KHDRBS3: variants seen among roughly 807,000 people sequenced by gnomAD.
KHDRBS3 encodes KH RNA binding domain containing, signal transduction associated 3.
In KHDRBS3, 23 loss-of-function variants were observed where a neutral mutation model predicts 45.6. The observed-to-expected ratio is 0.50, with a 90% CI of 0.36 to 0.72. The LOEUF (loss-of-function observed/expected upper bound fraction) is 0.72, where lower values mean the gene tolerates loss of function less well. KHDRBS3 is among the 30% of genes least tolerant of loss of function. The pLI, the probability that KHDRBS3 is intolerant of heterozygous loss-of-function variation, is 0.00. For synonymous variants in KHDRBS3, 162 were observed against 156.5 expected (o/e 1.04, Z -0.26); for missense variants, 352 against 424.8 (o/e 0.83, Z 1.51).
chr8:135,503,598 T>C (rs1392957150), intron 1 of KHDRBS3, among the ~76,000 whole-genome samples: 1 of 151,800 alleles, frequency 6.6e-6, no homozygotes, highest in Non-Finnish European at 1.5e-5. Flanking sequence ...CATGAACTCA[T>C]TTAGTTCCAC....
intron 2 of KHDRBS3, among the ~76,000 whole-genome samples, chr8:135,533,563 T>C (rs1825586711): frequency 6.6e-6 from 1 of 152,182 alleles, no homozygotes; most frequent in Non-Finnish European, 1.5e-5. Context: ...TTACATTGCC[T>C]AACTTAAGAC....
intron 2 of KHDRBS3, among the ~76,000 whole-genome samples, chr8:135,536,239 T>TG (rs1825744524): frequency 9.2e-6 from 1 of 108,972 alleles, no homozygotes; most frequent in Non-Finnish European, 1.7e-5. Context: ...GTCCAGTTTT[T>TG]TTTTTTTTTT....
Position 135,512,436 on chromosome 8 carries a change from G to T in KHDRBS3, c.89-8801G>T, listed in dbSNP as rs572000130. Reference sequence around the variant, plus strand: ...TAAGGTGTTTGGAAAAGTCGGGGGGGGGGTAATAACTCTATTGATCTTATT... The same window carrying T: ...TAAGGTGTTTGGAAAAGTCGGGGGGTGGGTAATAACTCTATTGATCTTATT... On this transcript the variant is annotated intron_variant, in intron 1 of 8. Transcript: ENST00000355849. 6.9e-5 allele frequency among the ~76,000 whole-genome samples: 9 copies of T among 130,110 alleles called. 1 individual carries two copies. The South Asian group carries it at 8.4e-4, about 12-fold the overall frequency. The allele number at this position is 130,110 out of a possible 152,430, so 85.4% of individuals were successfully genotyped here. A position where few individuals can be genotyped will look rare whatever the true frequency, so the allele number is the denominator to read the frequency against.
intron 1 of KHDRBS3, among the ~76,000 whole-genome samples, chr8:135,490,191 A>T (rs1169873988): frequency 5.3e-5 from 8 of 152,128 alleles, no homozygotes; most frequent in Non-Finnish European, 7.3e-5. Context: ...TTGCCTAATG[A>T]TGCATTTCTC....
rs145247921 is a variant in KHDRBS3, at chr8:135,557,769, C to T, written c.611+182C>T. Among the ~76,000 whole-genome samples the T allele has an allele frequency of 2.9e-3, 444 of 152,180 alleles. 5 individuals are homozygous for T. Among genetic ancestry groups the T allele is most frequent in the African/African-American group, 9.4e-3 (392 of 41,530 alleles). On this transcript the variant is annotated intron_variant, in intron 5 of 8. Transcript: ENST00000355849. ...AGGAGTTCGAGGCCATGGTATGCTA[C>T]GATAGTGCCTGTGAATAGCTGCTGC...
chr8:135,638,966 T>TC (rs1460907146), intron 7 of KHDRBS3, among the ~76,000 whole-genome samples: 163 of 85,302 alleles, frequency 1.9e-3, no homozygotes, highest in Non-Finnish European at 2.0e-3. Flanking sequence ...AGACTCCGTC[T>TC]CAAAAAAAAA....
intron 1 of KHDRBS3, among the ~76,000 whole-genome samples, chr8:135,470,205 G>C (rs567689966): frequency 2.0e-5 from 3 of 152,182 alleles, no homozygotes; most frequent in South Asian, 2.1e-4. Flanking sequence ...GAGCATCCTG[G>C]CGTGCTGATA....
Position 135,560,220 on chromosome 8 carries a change from A to C in KHDRBS3, c.611+2633A>C, listed in dbSNP as rs1415857805. On this transcript the variant is annotated intron_variant, in intron 5 of 8. Coordinates refer to ENST00000355849, the MANE Select transcript of KHDRBS3 (RefSeq NM_006558.3). Reference sequence around the variant, plus strand: ...ATCTCTTATGATGAACACTATATGTAGTATTCATCATAAGAAATTATTTAC... The same window carrying C: ...ATCTCTTATGATGAACACTATATGTCGTATTCATCATAAGAAATTATTTAC... 2.0e-5 allele frequency among the ~76,000 whole-genome samples: 3 copies of C among 152,154 alleles called. No homozygotes were observed. In the South Asian group the frequency reaches 6.2e-4, roughly 32 times the overall value.
intron 1 of KHDRBS3, among the ~76,000 whole-genome samples, chr8:135,505,702 T>C (rs1432202449): frequency 6.6e-6 from 1 of 151,922 alleles, no homozygotes; most frequent in Non-Finnish European, 1.5e-5. Flanking sequence ...TTGGAGGAAG[T>C]AGGACCAAGA....
intron 1 of KHDRBS3, among the ~76,000 whole-genome samples, chr8:135,497,297 C>T (rs1458480661): frequency 3.9e-5 from 6 of 152,134 alleles, no homozygotes; most frequent in African/African-American, 1.2e-4. Context: ...GTGGATATGT[C>T]GGAAATGCTC....
At chr8:135,535,226 A>G (rs1216837628) in intron 2 of KHDRBS3, among the ~76,000 whole-genome samples, 1 of 147,584 alleles carries the variant, frequency 6.8e-6, no homozygotes, top group Admixed American at 6.8e-5. Context: ...ATTAACTATA[A>G]TAAACTATTA....
chr8:135,508,244 A>G lies in KHDRBS3; in HGVS notation c.89-12993A>G, dbSNP rs575313473. On this transcript the variant is annotated intron_variant, in intron 1 of 8. Coordinates refer to ENST00000355849, the MANE Select transcript of KHDRBS3 (RefSeq NM_006558.3). ...GAAAATATTCGTTTTTTGTTCTATT[A>G]GATATGAAAGTAATAGAGAATAAGG... Among the ~76,000 whole-genome samples the G allele has an allele frequency of 3.3e-5, 5 of 152,320 alleles. No homozygotes were observed. The East Asian group carries it at 9.7e-4, about 29-fold the overall frequency.
At chr8:135,609,161 G>A (rs192279810) in intron 7 of KHDRBS3, among the ~76,000 whole-genome samples, 8 of 152,122 alleles carry the variant, frequency 5.3e-5, no homozygotes, top group East Asian at 1.9e-4. Context: ...ACTTCTTTAC[G>A]TTATAAACTT....
chr8:135,625,844 C>G, intron 7 of KHDRBS3: 1 of 769,338 alleles, frequency 1.3e-6, no homozygotes, highest in South Asian at 1.4e-5. Flanking sequence ...TGTCCATAAA[C>G]TGACACTAGG....
chr8:135,536,520 ATGGGCAACT>A (rs1804036831), intron 2 of KHDRBS3, among the ~76,000 whole-genome samples: 1 of 152,180 alleles, frequency 6.6e-6, no homozygotes, highest in South Asian at 2.1e-4. Context: ...GAGGTGTAAT[ATGGGCAACT>A]TGTGTTTTAA....
chr8:135,556,761 G>A (rs892176734), intron 4 of KHDRBS3, among the ~76,000 whole-genome samples: 1 of 152,096 alleles, frequency 6.6e-6, no homozygotes, highest in African/African-American at 2.4e-5. Context: ...TGTCTTAGCT[G>A]ATGATTGTTG....
chr8:135,633,605 T>C (rs1586837307), intron 7 of KHDRBS3, among the ~76,000 whole-genome samples: 1 of 152,230 alleles, frequency 6.6e-6, no homozygotes, highest in East Asian at 1.9e-4. Flanking sequence ...TAAAACCAGT[T>C]TCTTTTTTTA....
At chr8:135,627,973 T>C (rs1830447053) in intron 7 of KHDRBS3, among the ~76,000 whole-genome samples, 1 of 152,246 alleles carries the variant, frequency 6.6e-6, no homozygotes, top group Admixed American at 6.5e-5. Context: ...CCATGTATTC[T>C]AGCCATGTGA....
At chr8:135,584,545 T>A (rs1828372062) in intron 6 of KHDRBS3, among the ~76,000 whole-genome samples, 1 of 152,228 alleles carries the variant, frequency 6.6e-6, no homozygotes, top group Non-Finnish European at 1.5e-5. Flanking sequence ...AGAGAAAAGA[T>A]TTTCCTCATT....
Sources: allele counts gnomAD v4.1 joint callset (sites outside exome capture counted in the v4.1 genomes callset), GRCh38; gene constraint gnomAD v4.1.1; transcripts MANE v1.5; gene names NCBI Gene and HGNC (gene_info 2026-07-23, HGNC 2026-07-21).